KHDRBS2: variants seen among roughly 807,000 people sequenced by gnomAD.
KHDRBS2 encodes KH domain-containing, RNA-binding, signal transduction-associated protein 2.
In KHDRBS2, 26 loss-of-function variants were observed where a neutral mutation model predicts 44.3. The observed-to-expected ratio is 0.59, with a 90% CI of 0.43 to 0.81. The LOEUF (loss-of-function observed/expected upper bound fraction) is 0.81. Ranked by LOEUF, KHDRBS2 falls within the 40% of genes least tolerant of loss-of-function variation. The probability of loss-of-function intolerance (pLI) is 0.00; values close to 1 mark genes in which losing one functional copy is unlikely to be tolerated. For missense variants in KHDRBS2, 476 were observed against 433.1 expected (o/e 1.10, Z -0.88); for synonymous variants, 194 against 151.1 (o/e 1.28, Z -2.08).
the KHDRBS2 span, among the ~76,000 whole-genome samples, chr6:61,616,403 G>A: frequency 6.6e-6 from 1 of 150,606 alleles, no homozygotes; most frequent in East Asian, 1.9e-4. Context: ...AAATGAAATG[G>A]GATGACCCTA....
At chr6:61,940,005 G>T (rs1363645052) in intron 4 of KHDRBS2, among the ~76,000 whole-genome samples, 2 of 151,880 alleles carry the variant, frequency 1.3e-5, no homozygotes, top group African/African-American at 4.8e-5. Flanking sequence ...AAATGATGCT[G>T]CTCATGATGA....
chr6:61,829,564 C>G (rs573905798), intron 6 of KHDRBS2, among the ~76,000 whole-genome samples: 1 of 151,698 alleles, frequency 6.6e-6, no homozygotes, highest in African/African-American at 2.4e-5. Context: ...AAAAAAAAAA[C>G]CTAGTAAAAG....
chr6:61,716,922 C>A (rs11757401), intron 7 of KHDRBS2, among the ~76,000 whole-genome samples: 2,215 of 152,062 alleles, frequency 0.015, 26 homozygotes, highest in Non-Finnish European at 0.022. Flanking sequence ...TACCCAATAC[C>A]TTCTTGTTTC....
intron 6 of KHDRBS2, among the ~76,000 whole-genome samples, chr6:61,794,488 C>A (rs968214959): frequency 6.6e-6 from 1 of 152,100 alleles, no homozygotes; most frequent in Admixed American, 6.6e-5. Flanking sequence ...CAATTTTTAC[C>A]TAGTGCAAAA....
chr6:62,082,983 T>C (rs370159884), intron 2 of KHDRBS2, among the ~76,000 whole-genome samples: 3 of 152,200 alleles, frequency 2.0e-5, no homozygotes, highest in South Asian at 4.1e-4. Context: ...ATGATATGGA[T>C]AGGAGGCAGA....
chr6:61,706,242 T>TCACCTTAGCATTCAGTTCTATCTG (rs1480540442), intron 7 of KHDRBS2, among the ~76,000 whole-genome samples: 6 of 151,840 alleles, frequency 4.0e-5, no homozygotes. Flanking sequence ...CACTGATCAA[T>TCACCTTAGCATTCAGTTCTATCTG]CACCTTAGCA....
intron 6 of KHDRBS2, among the ~76,000 whole-genome samples, chr6:61,779,869 T>G (rs552460904): frequency 5.1e-4 from 78 of 152,164 alleles, no homozygotes; most frequent in African/African-American, 1.8e-3. Flanking sequence ...AAGCTGGCAA[T>G]CAAATTCAAG....
At chr6:61,738,161 A>G (rs1441476363) in intron 6 of KHDRBS2, among the ~76,000 whole-genome samples, 1 of 152,032 alleles carries the variant, frequency 6.6e-6, no homozygotes, top group Non-Finnish European at 1.5e-5. Context: ...AAAAAATACT[A>G]CTTTATTACT....
intron 8 of KHDRBS2, among the ~76,000 whole-genome samples, chr6:61,683,454 T>C (rs1253661064): frequency 1.3e-5 from 2 of 151,806 alleles, no homozygotes; most frequent in Non-Finnish European, 2.9e-5. Flanking sequence ...CAATGCCTAG[T>C]TAGGGCTGAA....
intron 1 of KHDRBS2, among the ~76,000 whole-genome samples, chr6:62,215,195 T>C (rs1052585757): frequency 5.1e-4 from 78 of 151,840 alleles, no homozygotes; most frequent in African/African-American, 1.7e-3. Context: ...ATATAACTTA[T>C]ATACACAAGA....
Position 62,156,507 on chromosome 6 carries a change from T to G in KHDRBS2, c.219+20678A>C, listed in dbSNP as rs148120127. ...AGTATAAAACTATAAAATAAAAACTTTTAAGACTGTACAATGGGGAATATT... is the reference window on the plus strand; with the variant it reads ...AGTATAAAACTATAAAATAAAAACTGTTAAGACTGTACAATGGGGAATATT... On this transcript the variant is annotated intron_variant, in intron 2 of 8. Coordinates refer to ENST00000281156, the MANE Select transcript of KHDRBS2 (RefSeq NM_152688.4). Among the ~76,000 whole-genome samples, 1,219 of 152,288 alleles carry G rather than the reference T, an allele frequency of 8.0e-3. 12 individuals carry two copies. Among genetic ancestry groups the G allele is most frequent in the African/African-American group, 0.027 (1,142 of 41,564 alleles).
intron 6 of KHDRBS2, among the ~76,000 whole-genome samples, chr6:61,783,959 G>C (rs1253190764): frequency 2.0e-5 from 3 of 151,816 alleles, no homozygotes; most frequent in Admixed American, 2.0e-4. Context: ...TGAAGCAATT[G>C]GATTACAGCA....
chr6:61,923,511 T>C (rs9453572), intron 4 of KHDRBS2, among the ~76,000 whole-genome samples: 53,213 of 151,946 alleles, frequency 0.35, 9,678 homozygotes, highest in African/African-American at 0.44. Context: ...GAATGCAATA[T>C]TGGTTTAATA....
chr6:61,947,582 G>C (rs1813624740), intron 4 of KHDRBS2, among the ~76,000 whole-genome samples: 2 of 151,986 alleles, frequency 1.3e-5, no homozygotes, highest in African/African-American at 4.8e-5. Context: ...CTTGACAGAG[G>C]AATTGAAAAT....
At chr6:61,543,381 A>G in the KHDRBS2 span, among the ~76,000 whole-genome samples, 1 of 152,028 alleles carries the variant, frequency 6.6e-6, no homozygotes, top group Admixed American at 6.6e-5. Context: ...TGATCATTAG[A>G]AAAATGCAAT....
At chr6:61,944,728 T>C (rs1812845470) in intron 4 of KHDRBS2, among the ~76,000 whole-genome samples, 1 of 152,088 alleles carries the variant, frequency 6.6e-6, no homozygotes, top group Non-Finnish European at 1.5e-5. Flanking sequence ...GACTTGATCA[T>C]TACACAGTCT....
At chr6:62,210,712 T>G (rs2150144717) in intron 1 of KHDRBS2, among the ~76,000 whole-genome samples, 1 of 152,310 alleles carries the variant, frequency 6.6e-6, no homozygotes, top group South Asian at 2.1e-4. Context: ...ACAGAACACA[T>G]TATTTTAACA....
At chr6:62,024,092 G>A (rs956454306) in intron 3 of KHDRBS2, among the ~76,000 whole-genome samples, 1 of 150,932 alleles carries the variant, frequency 6.6e-6, no homozygotes, top group Non-Finnish European at 1.5e-5. Context: ...ATTATTATAA[G>A]ATATCTTAAT....
chr6:61,734,437 A>G (rs1436460177), intron 6 of KHDRBS2, among the ~76,000 whole-genome samples: 1 of 151,988 alleles, frequency 6.6e-6, no homozygotes, highest in Non-Finnish European at 1.5e-5. Context: ...CAGTATTTTC[A>G]TCTATTATTT....
Sources: gnomAD v4.1 joint callset for allele counts (sites outside exome capture counted in the v4.1 genomes callset) on GRCh38, gnomAD v4.1.1 for gene constraint, MANE v1.5 for transcripts, NCBI Gene and HGNC (gene_info 2026-07-23, HGNC 2026-07-21) for gene names.